Variants in GPR158 observed in about 807,000 individuals in gnomAD.
GPR158 encodes the protein G protein-coupled receptor 158, also known as metabotropic glycine receptor.
Under a neutral mutation model 78.2 loss-of-function variants are expected in GPR158, and 30 were observed. That is an observed-to-expected ratio of 0.38 (90% CI 0.29 to 0.52). The LOEUF (loss-of-function observed/expected upper bound fraction) is 0.52, where lower values mean the gene tolerates loss of function less well. GPR158 is among the 20% of genes least tolerant of loss of function. GPR158 has a pLI of 0.83. For synonymous variants in GPR158, 581 were observed against 591.1 expected, an observed-to-expected ratio of 0.98 and a Z score of 0.25; for missense variants, 1,463 against 1,523.5, an observed-to-expected ratio of 0.96 and a Z score of 0.66.
intron 5 of GPR158, among the ~76,000 whole-genome samples, chr10:25,549,112 T>G (rs1180328188): frequency 2.0e-5 from 3 of 152,186 alleles, no homozygotes; most frequent in Non-Finnish European, 4.4e-5. Context: ...GAAGAATTTC[T>G]ATGGCCATTT....
At position 25,412,412 on chromosome 10, in the gene GPR158, C is replaced by A; in HGVS notation, c.1274C>A (p.Ala425Asp). ...YLRLAIISFQ[A>D]LCMLLDFVSM... ...CGACTTGCCATCATCTCCTTCCAAG[C>A]CCTGTGTATGCTGCTCGACTTCGTT... The change falls in exon 4 of 11, where the codon GCC (alanine) becomes GAC (aspartate). Residue 425 changes from alanine (A) to aspartate (D), a missense_variant. Ala to Asp is a moderately radical substitution (Grantham distance 126). Coordinates refer to ENST00000376351, the MANE Select transcript of GPR158 (RefSeq NM_020752.3). The A allele has an allele frequency of 6.2e-7, 1 of 1,613,784 alleles. No individual in the cohort carries two copies. The highest frequency in any genetic ancestry group is 8.5e-7 in the Non-Finnish European group (1 of 1,179,850).
At chr10:25,367,879 C>G (rs1833914422) in intron 2 of GPR158, among the ~76,000 whole-genome samples, 1 of 151,726 alleles carries the variant, frequency 6.6e-6, no homozygotes, top group Admixed American at 6.6e-5. Context: ...AGGGAATGCT[C>G]TTTGGATATA....
At chr10:25,365,689 AGAAAG>A (rs768947462) in intron 2 of GPR158, among the ~76,000 whole-genome samples, 77 of 151,826 alleles carry the variant, frequency 5.1e-4, no homozygotes, top group Non-Finnish European at 9.3e-4. Context: ...CAGGTGAAGG[AGAAAG>A]GAACTAAAAG....
intron 2 of GPR158, among the ~76,000 whole-genome samples, chr10:25,348,131 T>C (rs1564428775): frequency 6.6e-6 from 1 of 151,896 alleles, no homozygotes; most frequent in Non-Finnish European, 1.5e-5. Context: ...CTCCGAATCA[T>C]CCTATTCTAT....
chr10:25,429,591 C>A (rs1051966701), intron 4 of GPR158, among the ~76,000 whole-genome samples: 1 of 152,054 alleles, frequency 6.6e-6, no homozygotes, highest in Non-Finnish European at 1.5e-5. Context: ...AATGCAAGAA[C>A]ATTGATGCAA....
At chr10:25,308,130 G>A (rs530808465) in intron 2 of GPR158, among the ~76,000 whole-genome samples, 42 of 152,222 alleles carry the variant, frequency 2.8e-4, no homozygotes, top group Non-Finnish European at 5.0e-4. Flanking sequence ...TATTGGTAAA[G>A]GGTGCTATCT....
At chr10:25,296,469 GTCTGTCTT>G (rs1323868964) in intron 2 of GPR158, among the ~76,000 whole-genome samples, 7 of 33,468 alleles carry the variant, frequency 2.1e-4, no homozygotes, top group Admixed American at 8.5e-4. Context: ...TCTATCATCT[GTCTGTCTT>G]TCTATCTATA....
At chr10:25,363,179 A>T (rs1012093413) in intron 2 of GPR158, among the ~76,000 whole-genome samples, 1 of 151,986 alleles carries the variant, frequency 6.6e-6, no homozygotes, top group African/African-American at 2.4e-5. Context: ...CAGCCATACC[A>T]TAACTTTGCA....
chr10:25,357,340 A>T (rs1268821787), intron 2 of GPR158, among the ~76,000 whole-genome samples: 1 of 152,102 alleles, frequency 6.6e-6, no homozygotes, highest in Admixed American at 6.5e-5. Flanking sequence ...ATAAGTAATG[A>T]GGAGCCAAAT....
At chr10:25,372,453 C>G (rs1286220024) in intron 2 of GPR158, among the ~76,000 whole-genome samples, 1 of 143,916 alleles carries the variant, frequency 6.9e-6, no homozygotes, top group Admixed American at 6.9e-5. Flanking sequence ...GACTTGGAAC[C>G]AACCCAAATG....
intron 4 of GPR158, among the ~76,000 whole-genome samples, chr10:25,465,778 G>C (rs1353941720): frequency 6.6e-6 from 1 of 152,146 alleles, no homozygotes; most frequent in African/African-American, 2.4e-5. Flanking sequence ...TTGTGAAATA[G>C]TTTAGGAATG....
intron 2 of GPR158, among the ~76,000 whole-genome samples, chr10:25,365,308 G>A (rs1321216706): frequency 6.6e-6 from 1 of 150,778 alleles, no homozygotes; most frequent in Non-Finnish European, 1.5e-5. Context: ...TAAAAGCTCA[G>A]TGTCATTTGG....
At chr10:25,471,130 C>T (rs775730070) in intron 5 of GPR158, among the ~76,000 whole-genome samples, 1 of 141,314 alleles carries the variant, frequency 7.1e-6, no homozygotes, top group East Asian at 2.3e-4. Context: ...CATGACAGGC[C>T]CCGGTGTGTG....
intron 6 of GPR158, 84 bp from the exon 7 acceptor site, chr10:25,572,565 T>G (rs1837022627): frequency 1.1e-6 from 1 of 937,618 alleles, no homozygotes. Context: ...TGGGTTTACA[T>G]TTTACCTAGA....
intron 2 of GPR158, among the ~76,000 whole-genome samples, chr10:25,252,409 G>A (rs1386097964): frequency 6.6e-6 from 1 of 152,134 alleles, no homozygotes; most frequent in Non-Finnish European, 1.5e-5. Context: ...AGAGCTTCCA[G>A]TTTTTCTGTT....
intron 2 of GPR158, among the ~76,000 whole-genome samples, chr10:25,348,988 G>A (rs903748493): frequency 6.6e-6 from 1 of 152,000 alleles, no homozygotes; most frequent in African/African-American, 2.4e-5. Context: ...CTGTGAAGAG[G>A]TGAGTTTATT....
intron 7 of GPR158, 147 bp downstream of exon 7, chr10:25,573,034 G>A: frequency 1.6e-6 from 1 of 627,958 alleles, no homozygotes. Context: ...GGAAATGGCA[G>A]TAATGGCATG....
At position 25,599,425 on chromosome 10, in the gene GPR158, AG is replaced by A; in HGVS notation, c.*157del. The A allele has an allele frequency of 4.8e-6, 3 of 631,166 alleles. No individual in the cohort carries two copies. In the Admixed American group the frequency reaches 9.0e-5, roughly 19 times the overall value. The allele number at this position is 631,166 out of a possible 1,614,324, so 39.1% of individuals were successfully genotyped here. ...TCAAAGGCATGGGTAGAAGAGGACC[AG>A]GGGGGCAAGAGCAACAACGTCATAA... On this transcript the variant is annotated 3_prime_UTR_variant, in exon 11 of 11. Transcript: ENST00000376351.
intron 5 of GPR158, among the ~76,000 whole-genome samples, chr10:25,542,435 C>T (rs1030474381): frequency 6.6e-6 from 1 of 152,200 alleles, no homozygotes; most frequent in African/African-American, 2.4e-5. Flanking sequence ...TTTAAAAGCA[C>T]TGGGCATTGT....
Sources: gnomAD v4.1 joint callset for allele counts (sites outside exome capture counted in the v4.1 genomes callset) on GRCh38, gnomAD v4.1.1 for gene constraint, MANE v1.5 for transcripts, NCBI Gene and HGNC (gene_info 2026-07-23, HGNC 2026-07-21) for gene names.